The following ODF2 variants were observed in gnomAD, a reference collection of about 807,000 sequenced individuals.
ODF2 encodes outer dense fiber of sperm tails 2.
In ODF2, 47 loss-of-function variants were observed where a neutral mutation model predicts 110.2. The ratio of observed to expected loss-of-function variants is 0.43; its 90% CI spans 0.34 to 0.54. ODF2 has a LOEUF of 0.54. Ranked by LOEUF, ODF2 falls within the 20% of genes least tolerant of loss-of-function variation. The probability of loss-of-function intolerance (pLI) is 0.03; values close to 1 mark genes in which losing one functional copy is unlikely to be tolerated. For missense variants in ODF2, 812 were observed against 1,054.5 expected (o/e 0.77, Z 3.19); for synonymous variants, 352 against 397.7 (o/e 0.89, Z 1.37).
intron 3 of ODF2, 51 bp downstream of exon 2, chr9:128,459,708 GC>G (rs1835908776): frequency 7.1e-7 from 1 of 1,413,714 alleles, no homozygotes. Context: ...TGCTAAAAAT[GC>G]TTTTGCACAC....
chr9:128,492,198 A>G (rs929512022), intron 14 of ODF2, among the ~76,000 whole-genome samples: 2 of 151,758 alleles, frequency 1.3e-5, no homozygotes, highest in Non-Finnish European at 2.9e-5. Context: ...ATGATTATAT[A>G]TTGCTTTTGG....
upstream of ODF2, chr9:128,456,043 G>A (rs2131372834): frequency 1.3e-6 from 2 of 1,481,794 alleles, no homozygotes; most frequent in Middle Eastern, 1.8e-4. Context: ...TAGGGGCTGG[G>A]CCTCGATGGC....
chr9:128,461,123 C>T lies in ODF2; in HGVS notation c.249+56C>T. 3.8e-6 allele frequency: 6 copies of T among 1,582,708 alleles called. No individual in the cohort carries two copies. In the Admixed American group the frequency reaches 9.2e-5, roughly 24 times the overall value. On this transcript the variant is annotated intron_variant, in intron 4 of 20. Coordinates refer to ENST00000604420, the Ensembl canonical transcript of ODF2. The stretch of plus-strand genomic sequence containing the variant: ...TCGGACTGCTCAGATCCTAGCAGGC[C>T]TCAGCCTCGGTATGATTCAGGGTCA...
At chr9:128,493,546 G>A (rs1266498519) in intron 16 of ODF2, among the ~76,000 whole-genome samples, 3 of 152,118 alleles carry the variant, frequency 2.0e-5, no homozygotes, top group African/African-American at 7.2e-5. Flanking sequence ...TTCCCAAAGA[G>A]CCTTATTCTT....
At chr9:128,457,484 G>C in intron 2 of ODF2, 3 of 1,544,226 alleles carry the variant, frequency 1.9e-6, no homozygotes, top group Non-Finnish European at 2.6e-6. Flanking sequence ...AGGGAAAGGT[G>C]GCCAGGGGTC....
intron 5 of ODF2, among the ~76,000 whole-genome samples, chr9:128,470,627 GAA>G (rs966690662): frequency 1.6e-5 from 2 of 127,824 alleles, no homozygotes; most frequent in Non-Finnish European, 1.7e-5. Flanking sequence ...TGTTTCAAAA[GAA>G]AAAAAAAAAA....
At chr9:128,456,014 C>T (rs1415163685), upstream of ODF2, 7 of 1,423,616 alleles carry the variant, frequency 4.9e-6, no homozygotes, top group East Asian at 5.6e-5. Context: ...TCTGGCGGGG[C>T]GGGGCATCTC....
chr9:128,471,787 C>T (rs999955393), intron 6 of ODF2, among the ~76,000 whole-genome samples: 29 of 152,188 alleles, frequency 1.9e-4, no homozygotes, highest in Middle Eastern at 6.8e-3. Flanking sequence ...GGGAAGAAAG[C>T]ACGCTACTCA....
At chr9:128,475,269 C>T (rs1052104096) in intron 8 of ODF2, among the ~76,000 whole-genome samples, 1 of 152,088 alleles carries the variant, frequency 6.6e-6, no homozygotes, top group Non-Finnish European at 1.5e-5. Context: ...ACTTGAGCAT[C>T]TTTGGATTTT....
chr9:128,473,537 C>A, intron 7 of ODF2, 73 bp from the exon 8 acceptor site: 1 of 1,587,442 alleles, frequency 6.3e-7, no homozygotes, highest in Non-Finnish European at 8.6e-7. Flanking sequence ...GGCACCAGAC[C>A]TCTTGAGTGC....
chr9:128,497,021 C>T (rs1035049757), intron 18 of ODF2, among the ~76,000 whole-genome samples: 14 of 152,106 alleles, frequency 9.2e-5, no homozygotes, highest in African/African-American at 3.4e-4. Flanking sequence ...AGCCACCACA[C>T]CTGGCTGATA....
chr9:128,485,350 G>C lies in ODF2; in HGVS notation c.1291-15G>C, dbSNP rs369179004. 1.4e-6 allele frequency: 2 copies of C among 1,476,906 alleles called. No homozygotes were observed. The highest frequency in any genetic ancestry group is 1.9e-6 in the Non-Finnish European group (2 of 1,059,206). 91.5% of individuals were successfully genotyped at this position (1,476,906 alleles called of 1,614,324 possible). On this transcript the variant is annotated splice_polypyrimidine_tract_variant and intron_variant, in intron 12 of 20. Coordinates refer to ENST00000604420, the Ensembl canonical transcript of ODF2. This position sits in a 1 kb window ranked among gnomAD's most constrained non-coding sequence, Gnocchi z 5.0. Reference sequence around the variant, plus strand: ...TGACACTAGGCTAACAGGCCCTTTTGTCCCGTGTTCCCAGGATCTTTATGT... The same window carrying C: ...TGACACTAGGCTAACAGGCCCTTTTCTCCCGTGTTCCCAGGATCTTTATGT...
chr9:128,483,742 C>T lies in ODF2; in HGVS notation c.988-196C>T, dbSNP rs913366915. ...TCTACTAAAAATACAAAAAACTAGC[C>T]GGTTTTGATGGCACGTGACTGTAAC... is the stretch of plus-strand genomic sequence containing the variant. On this transcript the variant is annotated intron_variant, in intron 10 of 20. Transcript: ENST00000604420. 2.6e-5 allele frequency among the ~76,000 whole-genome samples: 4 copies of T among 151,806 alleles called. No homozygotes were observed. The South Asian group carries it at 6.2e-4, about 24-fold the overall frequency.
intron 8 of ODF2, among the ~76,000 whole-genome samples, chr9:128,474,533 C>T (rs761882785): frequency 1.3e-5 from 2 of 151,468 alleles, no homozygotes; most frequent in African/African-American, 2.4e-5. Context: ...TGGTGGCAGG[C>T]GCCAGTAATC....
chr9:128,499,171 C>T, intron 20 of ODF2, 45 bp downstream of exon 20: 1 of 1,610,858 alleles, frequency 6.2e-7, no homozygotes, highest in South Asian at 1.1e-5. Flanking sequence ...GGCAGCAGAC[C>T]TAGCTTCTGT....
At chr9:128,488,252 C>T (rs1413388527) in intron 14 of ODF2, among the ~76,000 whole-genome samples, 2 of 152,142 alleles carry the variant, frequency 1.3e-5, no homozygotes, top group Non-Finnish European at 2.9e-5. Context: ...TGGCAAAATC[C>T]TGTGTCTGCA....
At chr9:128,456,341 C>A in intron 1 of ODF2, 86 bp downstream of exon 1, 2 of 1,438,928 alleles carry the variant, frequency 1.4e-6, no homozygotes, top group Non-Finnish European at 1.8e-6. Context: ...GCGCGGTCGA[C>A]CCCGCGGGGC....
intron 7 of ODF2, chr9:128,473,353 A>G (rs576533009): frequency 1.3e-6 from 1 of 777,170 alleles, no homozygotes; most frequent in African/African-American, 1.9e-5. Flanking sequence ...TGCTTCCTCC[A>G]GGAAGTCTGC....
intron 7 of ODF2, 137 bp downstream of exon 7, chr9:128,473,179 C>T (rs1209207144): frequency 8.9e-6 from 13 of 1,462,894 alleles, no homozygotes; most frequent in Non-Finnish European, 1.2e-5. Flanking sequence ...CTTAACTAGG[C>T]CCCCACCCAC....
Sources: allele counts gnomAD v4.1 joint callset (sites outside exome capture counted in the v4.1 genomes callset), GRCh38; gene constraint gnomAD v4.1.1; non-coding constraint Gnocchi (gnomAD v3.1); transcripts MANE v1.5; gene names NCBI Gene and HGNC (gene_info 2026-07-23, HGNC 2026-07-21).